The following PDE6A variants were observed in gnomAD, a reference collection of about 807,000 sequenced individuals.
PDE6A encodes phosphodiesterase 6A, also known as rod cGMP-specific 3',5'-cyclic phosphodiesterase subunit alpha.
Under a neutral mutation model 106.3 loss-of-function variants are expected in PDE6A, and 84 were observed. The observed-to-expected ratio is 0.79, with a 90% CI of 0.66 to 0.95. The LOEUF (loss-of-function observed/expected upper bound fraction) is 0.95, where lower values mean the gene tolerates loss of function less well. Ranked by LOEUF, PDE6A falls within the 40% of genes least tolerant of loss-of-function variation. PDE6A has a pLI of 0.00. For synonymous variants in PDE6A, 394 were observed against 386.6 expected (o/e 1.02, Z -0.23); for missense variants, 1,052 against 1,084.9 (o/e 0.97, Z 0.43).
intron 1 of PDE6A, among the ~76,000 whole-genome samples, chr5:149,937,292 G>A (rs1046615206): frequency 1.3e-5 from 2 of 152,216 alleles, no homozygotes; most frequent in African/African-American, 4.8e-5. Flanking sequence ...GAAAGCAGAG[G>A]GCAAGGAAGT....
At chr5:149,899,610 G>T in intron 8 of PDE6A, 86 bp from the exon 9 acceptor site, 1 of 1,337,766 alleles carries the variant, frequency 7.5e-7, no homozygotes, top group Non-Finnish European at 1.1e-6. Flanking sequence ...TCATGACCCT[G>T]ATTGGCTGAG....
intron 17 of PDE6A, among the ~76,000 whole-genome samples, chr5:149,882,153 C>T (rs1342049237): frequency 1.3e-5 from 2 of 152,040 alleles, no homozygotes; most frequent in African/African-American, 4.8e-5. Flanking sequence ...AGCATGCCCC[C>T]TTGTTCAGTG....
intron 17 of PDE6A, among the ~76,000 whole-genome samples, chr5:149,879,418 GT>G (rs147091528): frequency 3.9e-4 from 58 of 148,350 alleles, no homozygotes; most frequent in East Asian, 2.0e-3. Flanking sequence ...TTTTTTTTAG[GT>G]TTTTTTTTTA....
In PDE6A at chr5:149,869,489, G is replaced by A. The variant is rs80088157; in HGVS notation, c.2136-1331C>T. Among the ~76,000 whole-genome samples the A allele has an allele frequency of 7.2e-5, 11 of 152,306 alleles. No homozygotes were observed. The East Asian group carries it at 9.6e-4, about 13-fold the overall frequency. On this transcript the variant is annotated intron_variant, in intron 17 of 21. Coordinates refer to ENST00000255266, the MANE Select transcript of PDE6A (RefSeq NM_000440.3). ...CAGAAAATAGAAAGGGAGGGGACAC[G>A]GACAAAGAACTGGAGCAAGAGGAGG...
intron 7 of PDE6A, among the ~76,000 whole-genome samples, chr5:149,906,203 T>C (rs1284139703): frequency 6.6e-6 from 1 of 151,866 alleles, no homozygotes; most frequent in Non-Finnish European, 1.5e-5. Flanking sequence ...AATCTCCTGC[T>C]TGTCTACCTG....
At chr5:149,872,536 C>G (rs935961979) in intron 17 of PDE6A, among the ~76,000 whole-genome samples, 1 of 152,138 alleles carries the variant, frequency 6.6e-6, no homozygotes, top group Non-Finnish European at 1.5e-5. Flanking sequence ...AAACATTTGG[C>G]TCCTTGGCTG....
At chr5:149,889,906 C>CAAA (rs577626508) in intron 13 of PDE6A, among the ~76,000 whole-genome samples, 27 of 81,712 alleles carry the variant, frequency 3.3e-4, no homozygotes, top group African/African-American at 1.1e-3. Context: ...GACTCTGTCT[C>CAAA]AAAAAAAAAA....
intron 17 of PDE6A, among the ~76,000 whole-genome samples, chr5:149,881,313 A>G (rs556592432): frequency 6.6e-6 from 1 of 152,300 alleles, no homozygotes; most frequent in African/African-American, 2.4e-5. Flanking sequence ...TCATCACAGC[A>G]CTATTCACAA....
chr5:149,867,509 G>A, intron 19 of PDE6A: 1 of 625,868 alleles, frequency 1.6e-6, no homozygotes, highest in South Asian at 1.8e-5. Context: ...TTCTGGTTGG[G>A]TAGACCTAGG....
chr5:149,919,058 A>C (rs543986924), intron 5 of PDE6A, among the ~76,000 whole-genome samples: 6 of 152,286 alleles, frequency 3.9e-5, no homozygotes, highest in African/African-American at 1.4e-4. Flanking sequence ...GAGGAGGCAG[A>C]GTTCCAGGAC....
intron 13 of PDE6A, among the ~76,000 whole-genome samples, chr5:149,888,025 CAT>C (rs555125475): frequency 1.5e-3 from 230 of 152,122 alleles, no homozygotes; most frequent in Non-Finnish European, 2.5e-3. Flanking sequence ...CAAAACCTAA[CAT>C]GTGGGAGGGT....
At chr5:149,908,361 T>C (rs1753269430) in intron 6 of PDE6A, among the ~76,000 whole-genome samples, 1 of 152,220 alleles carries the variant, frequency 6.6e-6, no homozygotes, top group Non-Finnish European at 1.5e-5. Flanking sequence ...CATAAGATAT[T>C]TGTATCTTCA....
Position 149,860,806 on chromosome 5 carries a change from A to C in PDE6A, c.*89T>G. The stretch of plus-strand genomic sequence containing the variant: ...AGCTTTCAAATCCTATGACTCTTCT[A>C]CTTCTCAAGGTGTGTGGTCTTCCAC... On this transcript the variant is annotated 3_prime_UTR_variant, in exon 22 of 22. Coordinates refer to ENST00000255266, the MANE Select transcript of PDE6A (RefSeq NM_000440.3). 9.3e-7 allele frequency: 1 copy of C among 1,080,206 alleles called. No homozygotes were observed. The highest frequency in any genetic ancestry group is 1.4e-6 in the Non-Finnish European group (1 of 702,056). 66.9% of individuals were successfully genotyped at this position (1,080,206 alleles called of 1,614,324 possible).
At chr5:149,876,349 CTTTTTTT>C (rs896643767) in intron 17 of PDE6A, among the ~76,000 whole-genome samples, 8 of 120,118 alleles carry the variant, frequency 6.7e-5, no homozygotes, top group East Asian at 4.7e-4. Context: ...CATTTTTCCT[CTTTTTTT>C]TTTTTTTTTT....
chr5:149,866,041 A>C, intron 20 of PDE6A, 129 bp downstream of exon 20: 1 of 711,992 alleles, frequency 1.4e-6, no homozygotes, highest in Non-Finnish European at 2.6e-6. Context: ...GAATGCCATT[A>C]GAGATGAGAA....
chr5:149,896,686 C>T, intron 11 of PDE6A, 25 bp downstream of exon 11: 4 of 1,614,146 alleles, frequency 2.5e-6, no homozygotes, highest in South Asian at 1.1e-5. Flanking sequence ...TACATCGGGG[C>T]TCGTGCTGCC....
intron 1 of PDE6A, 36 bp from the exon 2 acceptor site, chr5:149,934,754 T>A: frequency 1.9e-6 from 3 of 1,611,542 alleles, no homozygotes; most frequent in Non-Finnish European, 2.5e-6. Flanking sequence ...GACAGGCAAA[T>A]GAAGAGCAAG....
intron 4 of PDE6A, among the ~76,000 whole-genome samples, chr5:149,923,554 ATAACATAACATAACATAACATAACAAAC>A (rs1233897306): frequency 1.0e-4 from 13 of 126,182 alleles, no homozygotes; most frequent in African/African-American, 4.3e-4. Flanking sequence ...ATAACATAAC[ATAACATAACATAACATAACATAACAAAC>A]AACAACACTA....
Position 149,886,267 on chromosome 5 carries a change from C to A in PDE6A, c.1836G>T (p.Met612Ile), listed in dbSNP as rs142934552. Residue 612 changes from methionine (M) to isoleucine (I), a missense_variant and splice_region_variant, in exon 14 of 22, where the codon ATG becomes ATT. This residue lies in a region of PDE6A where 913 missense variants were observed against 915.2 expected (regional missense o/e 1.00). Coordinates refer to ENST00000255266, the MANE Select transcript of PDE6A (RefSeq NM_000440.3). The part of the protein sequence containing the change: ...DHRGTNNLYQ[M>I]KSQNPLAKLH... ...TGTGGGGAGGGAGGCTGACTCACTT[C>A]ATCTGGTAGAGGTTATTGGTGCCTC... 6.2e-7 allele frequency: 1 copy of A among 1,609,430 alleles called. No homozygotes were observed.
Sources: allele counts gnomAD v4.1 joint callset (sites outside exome capture counted in the v4.1 genomes callset), GRCh38; gene constraint gnomAD v4.1.1; regional missense constraint gnomAD v4.1.1; transcripts MANE v1.5; gene names NCBI Gene and HGNC (gene_info 2026-07-23, HGNC 2026-07-21).